TUSC3: variants seen among roughly 807,000 people sequenced by gnomAD.
TUSC3 encodes the protein dolichyl-diphosphooligosaccharide--protein glycosyltransferase subunit TUSC3.
TUSC3 carries 45 observed loss-of-function variants against 44.8 expected under a neutral mutation model. The observed-to-expected ratio is 1.00, with a 90% CI of 0.79 to 1.29. TUSC3 has a LOEUF of 1.29. TUSC3 is among the 50% of genes most tolerant of loss of function. The pLI, the probability that TUSC3 is intolerant of heterozygous loss-of-function variation, is 0.00. For synonymous variants in TUSC3, 212 were observed against 152.9 expected, an observed-to-expected ratio of 1.39 and a Z score of -2.85; for missense variants, 519 against 437.9, an observed-to-expected ratio of 1.19 and a Z score of -1.65.
At chr8:15,455,525 C>T (rs1298232327) in intron 1 of TUSC3, among the ~76,000 whole-genome samples, 1 of 152,034 alleles carries the variant, frequency 6.6e-6, no homozygotes, top group East Asian at 1.9e-4. Context: ...ATATACATAA[C>T]ATACAGAGGC....
At chr8:15,729,695 C>G (rs183858981) in intron 6 of TUSC3, among the ~76,000 whole-genome samples, 1 of 151,954 alleles carries the variant, frequency 6.6e-6, no homozygotes, top group Non-Finnish European at 1.5e-5. Flanking sequence ...ACAGTAGACC[C>G]TGGGGCTTAC....
chr8:15,433,714 C>A (rs892889582), intron 1 of TUSC3, among the ~76,000 whole-genome samples: 1 of 152,068 alleles, frequency 6.6e-6, no homozygotes, highest in South Asian at 2.1e-4. Flanking sequence ...CTCACTTTGC[C>A]TGCCTTTGTT....
intron 2 of TUSC3, among the ~76,000 whole-genome samples, chr8:15,506,775 G>T (rs547280717): frequency 6.6e-6 from 1 of 152,116 alleles, no homozygotes; most frequent in African/African-American, 2.4e-5. Context: ...GATTATAGGA[G>T]CTACATTTCA....
chr8:15,777,830 A>C, the TUSC3 span, among the ~76,000 whole-genome samples: 1 of 152,338 alleles, frequency 6.6e-6, no homozygotes, highest in Middle Eastern at 3.4e-3. Flanking sequence ...ACACACAAGA[A>C]GTATATATTC....
intron 5 of TUSC3, among the ~76,000 whole-genome samples, chr8:15,665,318 C>T (rs1807611415): frequency 6.6e-6 from 1 of 151,362 alleles, no homozygotes. Flanking sequence ...GAATCTCTGG[C>T]CCCATGCTGA....
intron 1 of TUSC3, among the ~76,000 whole-genome samples, chr8:15,615,909 C>T (rs569409769): frequency 3.9e-5 from 6 of 152,108 alleles, no homozygotes; most frequent in Non-Finnish European, 5.9e-5. Context: ...TCCACAGTTC[C>T]GTGGCTTGAA....
intron 8 of TUSC3, among the ~76,000 whole-genome samples, chr8:15,747,341 C>G (rs536837029): frequency 6.6e-6 from 1 of 151,870 alleles, no homozygotes; most frequent in Non-Finnish European, 1.5e-5. Flanking sequence ...GTTTAGAATT[C>G]TCTGAAGTGA....
the TUSC3 span, among the ~76,000 whole-genome samples, chr8:15,804,620 T>C: frequency 6.6e-6 from 1 of 152,218 alleles, no homozygotes; most frequent in Non-Finnish European, 1.5e-5. Flanking sequence ...CTGTCAAAGA[T>C]AAGATGGCTA....
At chr8:15,824,778 G>A in the TUSC3 span, among the ~76,000 whole-genome samples, 337 of 152,234 alleles carry the variant, frequency 2.2e-3, 1 homozygote, top group African/African-American at 7.4e-3. Context: ...GATGTTCACT[G>A]TCCTATGTCT....
rs567408308 is a variant in TUSC3, at chr8:15,609,758, A to G, written c.139-13322A>G. 2.0e-5 allele frequency among the ~76,000 whole-genome samples: 3 copies of G among 152,128 alleles called. No individual in the cohort carries two copies. The South Asian group carries it at 6.2e-4, about 32-fold the overall frequency. On this transcript the variant is annotated intron_variant, in intron 1 of 10. Coordinates refer to ENST00000503731, the MANE Select transcript of TUSC3 (RefSeq NM_006765.4). ...TCAGGAGGACAACAAACATTTAAAAAAAAACATGTTTTCACTGTACATTAA... is the reference window on the plus strand; with the variant it reads ...TCAGGAGGACAACAAACATTTAAAAGAAAACATGTTTTCACTGTACATTAA...
At chr8:15,638,970 G>A (rs536095688) in intron 2 of TUSC3, among the ~76,000 whole-genome samples, 2 of 151,666 alleles carry the variant, frequency 1.3e-5, no homozygotes, top group African/African-American at 2.4e-5. Context: ...ATCATGTGTC[G>A]ATGCTAGATC....
the TUSC3 span, among the ~76,000 whole-genome samples, chr8:15,801,458 T>C: frequency 6.6e-4 from 100 of 152,162 alleles, no homozygotes; most frequent in Non-Finnish European, 7.6e-4. Flanking sequence ...GGAGAATTCA[T>C]TGGGCTCCAT....
intron 2 of TUSC3, among the ~76,000 whole-genome samples, chr8:15,532,154 T>C (rs1348536028): frequency 6.6e-6 from 1 of 152,172 alleles, no homozygotes; most frequent in African/African-American, 2.4e-5. Context: ...ATTTAATATT[T>C]ATCTGAACTT....
At chr8:15,820,065 T>A in the TUSC3 span, among the ~76,000 whole-genome samples, 26,271 of 152,174 alleles carry the variant, frequency 0.17, 2,425 homozygotes, top group Admixed American at 0.28. Flanking sequence ...TTGTTATGAA[T>A]TGCTGTTCAA....
chr8:15,576,285 T>C (rs1363952606), intron 1 of TUSC3, among the ~76,000 whole-genome samples: 2 of 127,690 alleles, frequency 1.6e-5, no homozygotes, highest in Non-Finnish European at 3.6e-5. Flanking sequence ...TCTTGTTTTT[T>C]TTTTTTATTT....
At chr8:15,458,546 A>T (rs941329261) in intron 1 of TUSC3, among the ~76,000 whole-genome samples, 10 of 152,130 alleles carry the variant, frequency 6.6e-5, no homozygotes, top group Non-Finnish European at 1.5e-4. Flanking sequence ...GCCAGTGCTT[A>T]TTTCATTATT....
chr8:15,758,907 A>C (rs1812050140), intron 10 of TUSC3, among the ~76,000 whole-genome samples: 1 of 152,046 alleles, frequency 6.6e-6, no homozygotes, highest in Non-Finnish European at 1.5e-5. Context: ...ACTCTCAATA[A>C]AGGCCTAGAT....
chr8:15,602,733 C>A (rs1804344078), intron 1 of TUSC3, among the ~76,000 whole-genome samples: 1 of 149,570 alleles, frequency 6.7e-6, no homozygotes. Flanking sequence ...TACATATGTA[C>A]ACAAAATATG....
At chr8:15,820,499 T>C in the TUSC3 span, among the ~76,000 whole-genome samples, 51 of 152,168 alleles carry the variant, frequency 3.4e-4, no homozygotes, top group African/African-American at 1.2e-3. Context: ...TTTGTATTTT[T>C]AGTAGAGATG....
Sources: gnomAD v4.1 joint callset for allele counts (sites outside exome capture counted in the v4.1 genomes callset) on GRCh38, gnomAD v4.1.1 for gene constraint, MANE v1.5 for transcripts, NCBI Gene and HGNC (gene_info 2026-07-23, HGNC 2026-07-21) for gene names.